Variants in CADM2 observed in about 807,000 individuals in gnomAD.
CADM2 encodes the protein immunoglobulin superfamily member 4D.
In CADM2, 12 loss-of-function variants were observed where a neutral mutation model predicts 49.8. The ratio of observed to expected loss-of-function variants is 0.24; its 90% CI spans 0.15 to 0.39. The LOEUF is 0.39. Among genes scored for constraint, CADM2 ranks in the 10% least tolerant of loss-of-function variants. The pLI, the probability that CADM2 is intolerant of heterozygous loss-of-function variation, is 1.00. For synonymous variants in CADM2, 214 were observed against 175.4 expected, an observed-to-expected ratio of 1.22 and a Z score of -1.74; for missense variants, 378 against 492.3, an observed-to-expected ratio of 0.77 and a Z score of 2.20.
chr3:85,831,751 G>A (rs1404220316), intron 3 of CADM2, among the ~76,000 whole-genome samples: 3 of 151,918 alleles, frequency 2.0e-5, no homozygotes, highest in Non-Finnish European at 4.4e-5. Flanking sequence ...CAAATGCATA[G>A]TTTGTGACTA....
chr3:85,095,532 A>G (rs1266074992), intron 1 of CADM2, among the ~76,000 whole-genome samples: 1 of 152,180 alleles, frequency 6.6e-6, no homozygotes, highest in African/African-American at 2.4e-5. Context: ...ACAAATACTT[A>G]TGAGACACAT....
intron 1 of CADM2, among the ~76,000 whole-genome samples, chr3:85,218,366 A>C (rs1349881020): frequency 6.6e-6 from 1 of 152,200 alleles, no homozygotes; most frequent in African/African-American, 2.4e-5. Flanking sequence ...ATAGTGATGC[A>C]ACATTTCTGA....
At chr3:85,337,142 A>G (rs1400959096) in intron 1 of CADM2, among the ~76,000 whole-genome samples, 1 of 149,228 alleles carries the variant, frequency 6.7e-6, no homozygotes, top group Non-Finnish European at 1.5e-5. Flanking sequence ...ATGCTGGCCA[A>G]TAATAATTGC....
chr3:85,296,059 A>C (rs1261685202), intron 1 of CADM2, among the ~76,000 whole-genome samples: 1 of 152,094 alleles, frequency 6.6e-6, no homozygotes, highest in Non-Finnish European at 1.5e-5. Context: ...ATAAATAATA[A>C]AAGCCACTAT....
In CADM2 at chr3:86,068,069, G is replaced by T; in HGVS notation, c.*1286G>T. 6.6e-6 allele frequency: 1 copy of T among 152,444 alleles called. No homozygotes were observed. The highest frequency in any genetic ancestry group is 3.4e-3 in the Middle Eastern group (1 of 294). 9.4% of individuals were successfully genotyped at this position (152,444 alleles called of 1,614,324 possible). ...CTTACCTATGTTGGTTTGCCAAAAA[G>T]AAGTGTTTAAGATATGTTTTCTGTA... is the stretch of plus-strand genomic sequence containing the variant. On this transcript the variant is annotated 3_prime_UTR_variant, in exon 10 of 10. Transcript: ENST00000383699.
intron 1 of CADM2, among the ~76,000 whole-genome samples, chr3:85,621,210 CTA>C (rs138202622): frequency 0.011 from 1,696 of 152,088 alleles, 33 homozygotes; most frequent in African/African-American, 0.038. Flanking sequence ...TGATCAGAAA[CTA>C]TGTCTTAACA....
intron 3 of CADM2, among the ~76,000 whole-genome samples, chr3:85,809,725 T>C (rs1424577789): frequency 2.4e-4 from 7 of 28,766 alleles, no homozygotes; most frequent in African/African-American, 1.0e-3. Context: ...CCTTCGTTCC[T>C]TCCCTCCCTC....
At chr3:85,737,971 A>G (rs894903129) in intron 2 of CADM2, among the ~76,000 whole-genome samples, 6 of 152,160 alleles carry the variant, frequency 3.9e-5, no homozygotes, top group Non-Finnish European at 8.8e-5. Context: ...AGATGGGTTA[A>G]TCATCTGATG....
At chr3:85,540,983 A>G (rs1187216589) in intron 1 of CADM2, among the ~76,000 whole-genome samples, 2 of 151,846 alleles carry the variant, frequency 1.3e-5, no homozygotes, top group Non-Finnish European at 2.9e-5. Context: ...TTTTTTACTT[A>G]TTTAACTTTA....
At chr3:85,828,338 C>T (rs2074021539) in intron 3 of CADM2, among the ~76,000 whole-genome samples, 1 of 151,624 alleles carries the variant, frequency 6.6e-6, no homozygotes, top group African/African-American at 2.4e-5. Flanking sequence ...GTGTTCTAAA[C>T]AAAAATAGAT....
intron 1 of CADM2, among the ~76,000 whole-genome samples, chr3:85,562,269 C>T (rs562922492): frequency 3.3e-5 from 5 of 151,994 alleles, no homozygotes; most frequent in East Asian, 3.9e-4. Context: ...CACCTGAGGT[C>T]GGGAGTTCGA....
At chr3:85,041,491 AT>A (rs2035439749) in intron 1 of CADM2, among the ~76,000 whole-genome samples, 1 of 152,154 alleles carries the variant, frequency 6.6e-6, no homozygotes, top group South Asian at 2.1e-4. Context: ...TGCATTTATA[AT>A]ATCCTATTCT....
chr3:85,647,056 C>T (rs1033779572), intron 1 of CADM2, among the ~76,000 whole-genome samples: 7 of 151,666 alleles, frequency 4.6e-5, no homozygotes, highest in African/African-American at 1.7e-4. Context: ...GGCATTTTAA[C>T]AATTTAAGCT....
At chr3:85,179,653 T>G (rs2040875438) in intron 1 of CADM2, among the ~76,000 whole-genome samples, 1 of 152,128 alleles carries the variant, frequency 6.6e-6, no homozygotes, top group Admixed American at 6.5e-5. Flanking sequence ...AGGAAGTATC[T>G]ATTTCAAATT....
At position 85,135,246 on chromosome 3, in the gene CADM2, A is replaced by C. The variant is rs189722195; in HGVS notation, c.61+175578A>C. Reference sequence around the variant, plus strand: ...TTTTAAATATATTGTAACATTAGAAAATTCTTTTTTCAGAATATTCTATCA... The same window carrying C: ...TTTTAAATATATTGTAACATTAGAACATTCTTTTTTCAGAATATTCTATCA... On this transcript the variant is annotated intron_variant, in intron 1 of 9. Coordinates refer to ENST00000383699, the MANE Select transcript of CADM2 (RefSeq NM_001167675.2). Among the ~76,000 whole-genome samples, 119 of 152,092 alleles carry C rather than the reference A, an allele frequency of 7.8e-4. No individual in the cohort carries two copies. The East Asian group carries it at 0.01, about 13-fold the overall frequency.
At chr3:85,995,492 G>C (rs537207621) in intron 8 of CADM2, among the ~76,000 whole-genome samples, 1 of 152,010 alleles carries the variant, frequency 6.6e-6, no homozygotes, top group Admixed American at 6.6e-5. Context: ...AAATTCATTT[G>C]GAAATTTTAA....
intron 1 of CADM2, among the ~76,000 whole-genome samples, chr3:85,291,311 A>T (rs1393052410): frequency 1.3e-5 from 2 of 151,784 alleles, no homozygotes; most frequent in Non-Finnish European, 2.9e-5. Flanking sequence ...TCTACATCTG[A>T]TTGGTGTACC....
At chr3:85,720,971 T>C (rs2067483181) in intron 1 of CADM2, among the ~76,000 whole-genome samples, 1 of 152,204 alleles carries the variant, frequency 6.6e-6, no homozygotes, top group Non-Finnish European at 1.5e-5. Context: ...ATTGCTGTGT[T>C]ATATAATAGC....
chr3:85,177,680 T>A (rs1423788020), intron 1 of CADM2, among the ~76,000 whole-genome samples: 3 of 151,892 alleles, frequency 2.0e-5, no homozygotes, highest in African/African-American at 4.8e-5. Flanking sequence ...TTGAAAAAAA[T>A]TTAATATGCT....
Sources: allele counts gnomAD v4.1 joint callset (sites outside exome capture counted in the v4.1 genomes callset), GRCh38; gene constraint gnomAD v4.1.1; transcripts MANE v1.5; gene names NCBI Gene and HGNC (gene_info 2026-07-23, HGNC 2026-07-21).